PTPRD: variants seen among roughly 807,000 people sequenced by gnomAD.
The protein encoded by PTPRD is receptor-type tyrosine-protein phosphatase delta.
A neutral mutation model predicts 214.5 loss-of-function variants in PTPRD; 34 were observed. That is an observed-to-expected ratio of 0.16 (90% CI 0.12 to 0.21). PTPRD has a LOEUF of 0.21. Ranked by LOEUF, PTPRD falls within the 10% of genes least tolerant of loss-of-function variation. PTPRD has a pLI of 1.00. For missense variants in PTPRD, 2,545 were observed against 2,398.7 expected (o/e 1.06, Z -1.27); for synonymous variants, 1,128 against 845.7 (o/e 1.33, Z -5.79).
chr9:8,746,169 G>C (rs1019991750), intron 11 of PTPRD, among the ~76,000 whole-genome samples: 3 of 152,048 alleles, frequency 2.0e-5, no homozygotes, highest in African/African-American at 4.8e-5. Context: ...GGTGGGAACG[G>C]GTTAGATTCT....
intron 9 of PTPRD, among the ~76,000 whole-genome samples, chr9:9,315,514 A>T (rs1057107955): frequency 2.0e-5 from 3 of 152,020 alleles, no homozygotes; most frequent in African/African-American, 4.8e-5. Context: ...CCACACATTA[A>T]TTCCAAATAT....
At chr9:9,290,393 C>T (rs144491465) in intron 9 of PTPRD, among the ~76,000 whole-genome samples, 57 of 151,598 alleles carry the variant, frequency 3.8e-4, no homozygotes, top group Non-Finnish European at 6.6e-4. Context: ...ATATTTTCTC[C>T]CATTTTGTAT....
chr9:10,218,006 G>A (rs894672239), intron 3 of PTPRD, among the ~76,000 whole-genome samples: 6 of 151,770 alleles, frequency 4.0e-5, no homozygotes, highest in African/African-American at 1.2e-4. Flanking sequence ...TCGGGGTAGG[G>A]GGGTTAATTC....
chr9:9,619,309 G>A (rs1398347219), intron 7 of PTPRD, among the ~76,000 whole-genome samples: 1 of 151,780 alleles, frequency 6.6e-6, no homozygotes, highest in Non-Finnish European at 1.5e-5. Context: ...TTAAGATACA[G>A]GAGAAAGGAA....
chr9:10,249,488 G>A (rs2092570754), intron 3 of PTPRD, among the ~76,000 whole-genome samples: 1 of 152,062 alleles, frequency 6.6e-6, no homozygotes, highest in Non-Finnish European at 1.5e-5. Context: ...GATACCATTA[G>A]GCAAAAGCAC....
At position 10,216,141 on chromosome 9, in the gene PTPRD, T is replaced by C. The variant is rs140355854; in HGVS notation, c.-545+124822A>G. Among the ~76,000 whole-genome samples, 791 of 152,128 alleles carry C rather than the reference T, an allele frequency of 5.2e-3. 4 individuals are homozygous for C. Among genetic ancestry groups the C allele is most frequent in the African/African-American group, 0.016 (685 of 41,548 alleles). On this transcript the variant is annotated intron_variant, in intron 3 of 45. Transcript: ENST00000381196. ...TAAAATGTTGATATCTTTTTCATTA[T>C]TGATTTCTAAGTTGATTTGAATTAT...
At chr9:10,156,918 T>A (rs2099096971) in intron 3 of PTPRD, among the ~76,000 whole-genome samples, 1 of 152,228 alleles carries the variant, frequency 6.6e-6, no homozygotes, top group Admixed American at 6.5e-5. Context: ...TTTGTTGGCT[T>A]AAAGTCTGTT....
intron 9 of PTPRD, among the ~76,000 whole-genome samples, chr9:9,268,014 G>T (rs1940897664): frequency 6.6e-6 from 1 of 150,900 alleles, no homozygotes; most frequent in Non-Finnish European, 1.5e-5. Context: ...CATAAAACTG[G>T]AAGTTCTTGC....
At chr9:9,606,097 C>A (rs1444181681) in intron 7 of PTPRD, among the ~76,000 whole-genome samples, 3 of 151,974 alleles carry the variant, frequency 2.0e-5, no homozygotes, top group Non-Finnish European at 4.4e-5. Context: ...CTAGATGTAA[C>A]CTAATTTAAA....
At chr9:10,042,867 A>G (rs1473521548) in intron 3 of PTPRD, among the ~76,000 whole-genome samples, 1 of 151,976 alleles carries the variant, frequency 6.6e-6, no homozygotes, top group Non-Finnish European at 1.5e-5. Flanking sequence ...AATTTCCAGG[A>G]AATTATTTCT....
intron 10 of PTPRD, among the ~76,000 whole-genome samples, chr9:9,135,593 A>G (rs2099849625): frequency 6.6e-6 from 1 of 152,212 alleles, no homozygotes; most frequent in East Asian, 1.9e-4. Context: ...GATAGGAGAC[A>G]CTAAAGAGGG....
chr9:9,024,348 G>GTTTTTTTTTTTTTTTTTTTTTTTTTTTT (rs752607769), intron 10 of PTPRD, among the ~76,000 whole-genome samples: 1 of 64,182 alleles, frequency 1.6e-5, no homozygotes, highest in African/African-American at 4.1e-5. Flanking sequence ...GTTTTTTTTT[G>GTTTTTTTTTTTTTTTTTTTTTTTTTTTT]TTTGTTTTTT....
chr9:8,332,830 G>C (rs942476593), intron 43 of PTPRD, among the ~76,000 whole-genome samples: 4 of 152,292 alleles, frequency 2.6e-5, no homozygotes, highest in African/African-American at 9.6e-5. Flanking sequence ...CATTTGAAGA[G>C]GTCCTACTCC....
intron 12 of PTPRD, among the ~76,000 whole-genome samples, chr9:8,685,535 G>C (rs148520632): frequency 3.3e-5 from 5 of 152,238 alleles, no homozygotes; most frequent in East Asian, 3.9e-4. Context: ...AACACATCAG[G>C]AACAGTTGGA....
chr9:8,873,508 T>C (rs762863554), intron 11 of PTPRD, among the ~76,000 whole-genome samples: 10 of 152,134 alleles, frequency 6.6e-5, no homozygotes, highest in Non-Finnish European at 1.3e-4. Context: ...TAAATATGTG[T>C]TAACTTTATT....
chr9:9,884,641 T>A (rs758355625), intron 5 of PTPRD, among the ~76,000 whole-genome samples: 5 of 152,144 alleles, frequency 3.3e-5, no homozygotes, highest in Non-Finnish European at 7.4e-5. Context: ...AAATCTCATT[T>A]TGAGTTATAG....
At chr9:10,025,075 G>C (rs978290791) in intron 4 of PTPRD, among the ~76,000 whole-genome samples, 5 of 151,666 alleles carry the variant, frequency 3.3e-5, no homozygotes, top group African/African-American at 1.2e-4. Flanking sequence ...ATTGTGAATA[G>C]TGCCGCAATA....
intron 8 of PTPRD, among the ~76,000 whole-genome samples, chr9:9,414,298 T>C (rs1231904621): frequency 6.6e-6 from 1 of 152,234 alleles, no homozygotes; most frequent in Non-Finnish European, 1.5e-5. Context: ...CTGTGTTCAG[T>C]CAGGTTCTTT....
intron 11 of PTPRD, among the ~76,000 whole-genome samples, chr9:8,939,198 T>C (rs906802918): frequency 6.6e-6 from 1 of 152,198 alleles, no homozygotes. Flanking sequence ...ACTGAAACTC[T>C]TTCTCACCCC....
Sources: allele counts gnomAD v4.1 joint callset (sites outside exome capture counted in the v4.1 genomes callset), GRCh38; gene constraint gnomAD v4.1.1; transcripts MANE v1.5; gene names NCBI Gene and HGNC (gene_info 2026-07-23, HGNC 2026-07-21).